TNRC6B: variants seen among roughly 807,000 people sequenced by gnomAD.
The protein encoded by TNRC6B is trinucleotide repeat containing adaptor 6B, also known as trinucleotide repeat-containing gene 6B protein.
Under a neutral mutation model 203.6 loss-of-function variants are expected in TNRC6B, and 52 were observed. The ratio of observed to expected loss-of-function variants is 0.26; its 90% confidence interval spans 0.20 to 0.32. The LOEUF (loss-of-function observed/expected upper bound fraction) is 0.32, where lower values mean the gene tolerates loss of function less well. Ranked by LOEUF, TNRC6B falls within the 10% of genes least tolerant of loss-of-function variation. The probability of loss-of-function intolerance (pLI) is 1.00; values close to 1 mark genes in which losing one functional copy is unlikely to be tolerated. For synonymous variants in TNRC6B, 838 were observed against 845.7 expected (o/e 0.99, Z 0.16); for missense variants, 1,923 against 2,286.2 (o/e 0.84, Z 3.24).
At chr22:40,078,586 ATTAT>A (rs920908033) in intron 1 of TNRC6B, among the ~76,000 whole-genome samples, 5 of 150,146 alleles carry the variant, frequency 3.3e-5, no homozygotes, top group East Asian at 1.9e-4. Flanking sequence ...TCTACTTTTT[ATTAT>A]TTATTTATTT....
chr22:40,321,552 C>T, intron 22 of TNRC6B: 1 of 231,344 alleles, frequency 4.3e-6, no homozygotes. Context: ...CTTTGGGAGG[C>T]CAAGGCGGGC....
At chr22:40,112,621 C>T (rs1013555312) in intron 1 of TNRC6B, among the ~76,000 whole-genome samples, 4 of 152,064 alleles carry the variant, frequency 2.6e-5, no homozygotes, top group African/African-American at 9.7e-5. Context: ...GGTTCTGCTT[C>T]GGATTTTTAT....
At chr22:40,113,206 A>G (rs1324908325) in intron 1 of TNRC6B, among the ~76,000 whole-genome samples, 1 of 152,232 alleles carries the variant, frequency 6.6e-6, no homozygotes, top group African/African-American at 2.4e-5. Context: ...AGGAATGGAC[A>G]GACAGTATTT....
intron 1 of TNRC6B, among the ~76,000 whole-genome samples, chr22:40,237,948 C>G (rs985328290): frequency 2.0e-5 from 3 of 152,012 alleles, no homozygotes; most frequent in African/African-American, 7.3e-5. Context: ...TTTGCCCAGT[C>G]TTATATCCTG....
intron 1 of TNRC6B, among the ~76,000 whole-genome samples, chr22:40,222,586 T>C (rs1346322108): frequency 6.6e-6 from 1 of 152,220 alleles, no homozygotes; most frequent in African/African-American, 2.4e-5. Flanking sequence ...TCAAATACAG[T>C]GGATTATCTT....
chr22:40,228,987 A>G (rs1490862967), intron 1 of TNRC6B, among the ~76,000 whole-genome samples: 1 of 152,230 alleles, frequency 6.6e-6, no homozygotes, highest in Non-Finnish European at 1.5e-5. Context: ...TAAATCTTAC[A>G]TTAAGACCTA....
chr22:40,049,201 T>G (rs2067723569), intron 1 of TNRC6B, among the ~76,000 whole-genome samples: 1 of 151,972 alleles, frequency 6.6e-6, no homozygotes, highest in Non-Finnish European at 1.5e-5. Flanking sequence ...CCGGTCACTG[T>G]GTTAGCCAGG....
rs181280929 is a variant in TNRC6B, at chr22:40,276,899, G to A, written c.3142-178G>A. The stretch of plus-strand genomic sequence containing the variant: ...TGAATTTTATAAAAATGAAAACATA[G>A]ATATAACTAGGGCTTATTAATCATT... On this transcript the variant is annotated intron_variant, in intron 7 of 22. Transcript: ENST00000454349. 320 of 408,804 alleles carry A rather than the reference G, an allele frequency of 7.8e-4. 2 individuals are homozygous for A. The highest frequency in any genetic ancestry group is 6.3e-4 in the Middle Eastern group (1 of 1,592). 25.3% of individuals were successfully genotyped at this position (408,804 alleles called of 1,614,324 possible).
intron 3 of TNRC6B, among the ~76,000 whole-genome samples, chr22:40,126,580 ATTTTTTTTTTT>A (rs955369459): frequency 4.5e-5 from 4 of 88,774 alleles, no homozygotes; most frequent in African/African-American, 2.0e-4. Context: ...ACGTTATTTA[ATTTTTTTTTTT>A]TTTTTTTTTT....
intron 6 of TNRC6B, 120 bp downstream of exon 6, chr22:40,270,400 A>T (rs2070545373): frequency 1.0e-6 from 1 of 1,003,918 alleles, no homozygotes; most frequent in African/African-American, 1.7e-5. Flanking sequence ...GCTCACTGCA[A>T]CCTCTGCTTT....
chr22:40,134,530 CA>C (rs1235549757), intron 3 of TNRC6B, among the ~76,000 whole-genome samples: 1 of 152,110 alleles, frequency 6.6e-6, no homozygotes, highest in Admixed American at 6.5e-5. Flanking sequence ...AAAAACTAAG[CA>C]AATTTAATAA....
At chr22:40,143,239 G>C (rs1180185079) in intron 3 of TNRC6B, among the ~76,000 whole-genome samples, 1 of 152,094 alleles carries the variant, frequency 6.6e-6, no homozygotes, top group Non-Finnish European at 1.5e-5. Context: ...AAACCAGCCT[G>C]GGCAACATGG....
At chr22:40,287,726 A>G (rs1028089019) in intron 12 of TNRC6B, among the ~76,000 whole-genome samples, 1 of 152,218 alleles carries the variant, frequency 6.6e-6, no homozygotes, top group African/African-American at 2.4e-5. Context: ...TATCTGTAGC[A>G]TGTTAGATAA....
At chr22:40,080,056 A>G (rs1395488611) in intron 1 of TNRC6B, among the ~76,000 whole-genome samples, 1 of 150,412 alleles carries the variant, frequency 6.6e-6, no homozygotes, top group African/African-American at 2.5e-5. Context: ...TGGCCTCCCA[A>G]AGTGTTGGGA....
intron 9 of TNRC6B, 85 bp downstream of exon 9, chr22:40,278,129 A>ATG (rs2070672563): frequency 9.6e-7 from 1 of 1,039,522 alleles, no homozygotes; most frequent in East Asian, 2.6e-5. Flanking sequence ...GATTAGGGAT[A>ATG]GGTGCAGTTC....
At chr22:40,122,071 CT>C (rs1193596276) in intron 2 of TNRC6B, among the ~76,000 whole-genome samples, 2 of 152,258 alleles carry the variant, frequency 1.3e-5, no homozygotes, top group Non-Finnish European at 2.9e-5. Flanking sequence ...TAGTTCTTGT[CT>C]ATTTATCAAA....
intron 15 of TNRC6B, chr22:40,301,582 T>TG: frequency 4.0e-6 from 2 of 503,238 alleles, no homozygotes; most frequent in Non-Finnish European, 7.0e-6. Flanking sequence ...GTCTTCCTTT[T>TG]TTTTGTGTGT....
chr22:40,265,992 T>G lies in TNRC6B; in HGVS notation c.1762T>G (p.Ser588Ala). The G allele has an allele frequency of 6.2e-7, 1 of 1,613,910 alleles. No individual in the cohort carries two copies. The highest frequency in any genetic ancestry group is 8.5e-7 in the Non-Finnish European group (1 of 1,179,894). Residue 588 changes from serine (S) to alanine (A), a missense_variant, in exon 5 of 23, where the codon TCT becomes GCT. Transcript: ENST00000454349. Reference protein sequence around the residue: ...HKAGSSDSHNSGRRSYRPTHP... With the variant: ...HKAGSSDSHNAGRRSYRPTHP... ...AGCAGGAAGTAGTGACAGTCATAACTCTGGCCGTCGGTCGTACAGGCCCAC... is the reference window on the plus strand; with the variant it reads ...AGCAGGAAGTAGTGACAGTCATAACGCTGGCCGTCGGTCGTACAGGCCCAC...
chr22:40,333,590 T>C lies in TNRC6B; in HGVS notation c.*10349T>C, dbSNP rs2044004513. On this transcript the variant is annotated 3_prime_UTR_variant, in exon 23 of 23. Transcript: ENST00000454349. ...TTTTGTAGTTCACAGAAGGATGTAGTCCCTGGCATTTTGGTTTGCACTGTA... is the reference window on the plus strand; with the variant it reads ...TTTTGTAGTTCACAGAAGGATGTAGCCCCTGGCATTTTGGTTTGCACTGTA... 1 of 152,612 alleles carries C rather than the reference T, an allele frequency of 6.6e-6. No homozygotes were observed. Among genetic ancestry groups the C allele is most frequent in the African/African-American group, 2.4e-5 (1 of 41,440 alleles). 9.5% of individuals were successfully genotyped at this position (152,612 alleles called of 1,614,324 possible).
Sources: gnomAD v4.1 joint callset for allele counts (sites outside exome capture counted in the v4.1 genomes callset) on GRCh38, gnomAD v4.1.1 for gene constraint, MANE v1.5 for transcripts, NCBI Gene and HGNC (gene_info 2026-07-23, HGNC 2026-07-21) for gene names.